HHLA1: variants seen among roughly 807,000 people sequenced by gnomAD.
HHLA1 encodes the protein HERV-H LTR-associating protein 1.
HHLA1 carries 72 observed loss-of-function variants against 69.9 expected under a neutral mutation model. The ratio of observed to expected loss-of-function variants is 1.03; its 90% CI spans 0.85 to 1.25. HHLA1 has a LOEUF of 1.25. HHLA1 is among the 50% of genes most tolerant of loss of function. The pLI is 0.00. For missense variants in HHLA1, 685 were observed against 642.2 expected (o/e 1.07, Z -0.72); for synonymous variants, 252 against 233.2 (o/e 1.08, Z -0.73).
chr8:132,110,080 CA>C (rs1446458097), intron 1 of HHLA1, among the ~76,000 whole-genome samples: 1 of 152,114 alleles, frequency 6.6e-6, no homozygotes, highest in Non-Finnish European at 1.5e-5. Flanking sequence ...CCAAATCAAC[CA>C]AGGTTAGTTC....
intron 10 of HHLA1, among the ~76,000 whole-genome samples, chr8:132,082,594 G>C (rs1029434200): frequency 6.6e-6 from 1 of 152,150 alleles, no homozygotes; most frequent in Non-Finnish European, 1.5e-5. Context: ...GGGGCTGTCT[G>C]TGAAGCTTTG....
intron 7 of HHLA1, among the ~76,000 whole-genome samples, chr8:132,090,069 A>T (rs1047032608): frequency 6.6e-6 from 1 of 152,226 alleles, no homozygotes; most frequent in Non-Finnish European, 1.5e-5. Context: ...TGAACAATAG[A>T]GACAAGACAA....
intron 8 of HHLA1, among the ~76,000 whole-genome samples, chr8:132,088,156 G>A (rs1018270122): frequency 2.6e-5 from 4 of 152,138 alleles, no homozygotes; most frequent in African/African-American, 7.2e-5. Context: ...CCACTTACTA[G>A]CTATGCAAAC....
At chr8:132,082,057 CAGAG>C (rs1190873716) in intron 10 of HHLA1, among the ~76,000 whole-genome samples, 1 of 152,030 alleles carries the variant, frequency 6.6e-6, no homozygotes, top group Non-Finnish European at 1.5e-5. Context: ...TCAGGTGGAT[CAGAG>C]AGATACAGTA....
rs1421451596 is a variant in HHLA1 at position 132,065,895 on chromosome 8, G to C, written c.1543C>G (p.His515Asp). The C allele has an allele frequency of 1.1e-5, 14 of 1,298,046 alleles. No homozygotes were observed. The highest frequency in any genetic ancestry group is 1.4e-5 in the Non-Finnish European group (14 of 982,372). 80.4% of individuals were successfully genotyped at this position (1,298,046 alleles called of 1,614,324 possible). ...YICQRVKRVS[H>D]SHTLKQKCLE... Reference sequence around the variant, plus strand: ...CAAGCTGTGTACTTACTGTGCGAGTGGGACACCCTTTTCACCCTCTGACAG... The same window carrying C: ...CAAGCTGTGTACTTACTGTGCGAGTCGGACACCCTTTTCACCCTCTGACAG... The change falls in exon 16 of 17, where the codon CAC (histidine) becomes GAC (aspartate). Residue 515 changes from histidine to aspartate, a missense_variant. Coordinates refer to ENST00000414222, the MANE Select transcript of HHLA1 (RefSeq NM_001145095.3).
intron 3 of HHLA1, among the ~76,000 whole-genome samples, chr8:132,102,319 T>C (rs1824122870): frequency 6.6e-6 from 1 of 152,282 alleles, no homozygotes; most frequent in Admixed American, 6.5e-5. Context: ...TGTTGCCTGC[T>C]TAAGCCAATT....
Position 132,073,702 on chromosome 8 carries a change from C to A in HHLA1, c.1316-2209G>T, listed in dbSNP as rs145336846. 3.2e-3 allele frequency among the ~76,000 whole-genome samples: 491 copies of A among 152,216 alleles called. 10 individuals carry two copies. Among genetic ancestry groups the A allele is most frequent in the Admixed American group, 0.03 (458 of 15,304 alleles). ...CAAGGCTTGATTTCCATGTCCCTTGCCCCAACCCACCCCATCCATCCTTCT... is the reference window on the plus strand; with the variant it reads ...CAAGGCTTGATTTCCATGTCCCTTGACCCAACCCACCCCATCCATCCTTCT... On this transcript the variant is annotated intron_variant, in intron 14 of 16. Coordinates refer to ENST00000414222, the MANE Select transcript of HHLA1 (RefSeq NM_001145095.3).
intron 14 of HHLA1, among the ~76,000 whole-genome samples, chr8:132,072,804 G>T (rs575985628): frequency 3.9e-4 from 59 of 152,078 alleles, no homozygotes; most frequent in African/African-American, 1.4e-3. Context: ...TTAACCGATA[G>T]CAATATAAAT....
chr8:132,083,754 G>T (rs1433615550), intron 10 of HHLA1, among the ~76,000 whole-genome samples: 4 of 152,302 alleles, frequency 2.6e-5, no homozygotes, highest in African/African-American at 7.2e-5. Flanking sequence ...TGCGGTTCGG[G>T]CGTTTGGAAG....
At chr8:132,070,051 A>G (rs1035928886) in intron 15 of HHLA1, 1 of 149,710 alleles carries the variant, frequency 6.7e-6, no homozygotes, top group Non-Finnish European at 1.4e-5. Context: ...ACAGCTGGAA[A>G]GGGGTGATGG....
chr8:132,092,930 C>T (rs988583501), intron 7 of HHLA1, among the ~76,000 whole-genome samples: 2 of 152,166 alleles, frequency 1.3e-5, no homozygotes, highest in Non-Finnish European at 2.9e-5. Flanking sequence ...GCCCCAAAAC[C>T]ATCAAACCAT....
At chr8:132,091,797 CTG>C (rs1404667388) in intron 7 of HHLA1, among the ~76,000 whole-genome samples, 1 of 152,206 alleles carries the variant, frequency 6.6e-6, no homozygotes, top group African/African-American at 2.4e-5. Context: ...GTTGGTAAGA[CTG>C]TAAACGTATG....
intron 15 of HHLA1, among the ~76,000 whole-genome samples, chr8:132,069,180 AC>A (rs1223248092): frequency 2.0e-5 from 3 of 152,136 alleles, no homozygotes; most frequent in African/African-American, 7.2e-5. Context: ...GCTCCAGGCT[AC>A]CCGTGACTCC....
intron 11 of HHLA1, among the ~76,000 whole-genome samples, 200 bp from the exon 12 acceptor site, chr8:132,078,171 AACACACACACAC>A (rs34612835): frequency 2.6e-4 from 37 of 144,508 alleles, no homozygotes; most frequent in Middle Eastern, 3.5e-3. Flanking sequence ...AGCACCAATA[AACACACACACAC>A]ACACACACAC....
At chr8:132,070,189 G>A in intron 15 of HHLA1, 1 of 618,742 alleles carries the variant, frequency 1.6e-6, no homozygotes, top group Non-Finnish European at 2.9e-6. Flanking sequence ...TGGAGCAGGA[G>A]TATTCATCTA....
Position 132,076,550 on chromosome 8 carries a change from G to T in HHLA1, c.1172-7C>A. On this transcript the variant is annotated splice_polypyrimidine_tract_variant and splice_region_variant and intron_variant, in intron 12 of 16. Transcript: ENST00000414222. ...GTGCCATGGGTGAATGCTCCTGGGAGGAGATGAGAGAGAGGTGAGCCTGCA... is the reference window on the plus strand; with the variant it reads ...GTGCCATGGGTGAATGCTCCTGGGATGAGATGAGAGAGAGGTGAGCCTGCA... 6.6e-7 allele frequency: 1 copy of T among 1,513,516 alleles called. No homozygotes were observed. The highest frequency in any genetic ancestry group is 8.8e-7 in the Non-Finnish European group (1 of 1,130,382). The allele number at this position is 1,513,516 out of a possible 1,614,324, so 93.8% of individuals were successfully genotyped here.
At chr8:132,087,556 A>G (rs1306412063) in intron 10 of HHLA1, 97 bp downstream of exon 10, 2 of 734,158 alleles carry the variant, frequency 2.7e-6, no homozygotes, top group Non-Finnish European at 4.6e-6. Flanking sequence ...CAGTATAGCG[A>G]AACACAACAC....
intron 10 of HHLA1, chr8:132,080,484 A>G (rs1479999140): frequency 7.7e-6 from 2 of 258,732 alleles, no homozygotes; most frequent in East Asian, 1.1e-4. Flanking sequence ...AGGATGAGCC[A>G]GGAAGAGGAC....
Position 132,062,668 on chromosome 8 carries a change from G to T in HHLA1, c.*1327C>A, listed in dbSNP as rs184490995. 2.0e-5 allele frequency: 3 copies of T among 152,300 alleles called. No homozygotes were observed. The East Asian group carries it at 5.8e-4, about 29-fold the overall frequency. The allele number at this position is 152,300 out of a possible 1,614,324, so 9.4% of individuals were successfully genotyped here. Reference sequence around the variant, plus strand: ...TACGTGGAGACTCAGCATAGATAGGGATACTGGAGCAACCGCAAACCTGAA... The same window carrying T: ...TACGTGGAGACTCAGCATAGATAGGTATACTGGAGCAACCGCAAACCTGAA... On this transcript the variant is annotated 3_prime_UTR_variant, in exon 17 of 17. Transcript: ENST00000414222.
Sources: allele counts gnomAD v4.1 joint callset (sites outside exome capture counted in the v4.1 genomes callset), GRCh38; gene constraint gnomAD v4.1.1; transcripts MANE v1.5; gene names NCBI Gene and HGNC (gene_info 2026-07-23, HGNC 2026-07-21).